Variants in DLG2 observed in about 807,000 individuals in gnomAD.
The protein encoded by DLG2 is discs large MAGUK scaffold protein 2, also known as disks large homolog 2.
DLG2 carries 45 observed loss-of-function variants against 132.5 expected under a neutral mutation model. The observed-to-expected ratio is 0.34, with a 90% CI of 0.27 to 0.44. DLG2 has a LOEUF of 0.44. Among genes scored for constraint, DLG2 ranks in the 20% least tolerant of loss-of-function variants. The probability of loss-of-function intolerance (pLI) is 1.00; values close to 1 mark genes in which losing one functional copy is unlikely to be tolerated. For missense variants in DLG2, 1,045 were observed against 1,196.9 expected (o/e 0.87, Z 1.87); for synonymous variants, 424 against 419.6 (o/e 1.01, Z -0.13).
At chr11:85,068,763 G>A (rs898314759) in intron 6 of DLG2, among the ~76,000 whole-genome samples, 1 of 152,034 alleles carries the variant, frequency 6.6e-6, no homozygotes, top group Non-Finnish European at 1.5e-5. Flanking sequence ...TCCCCATCAA[G>A]CTACCAATGA....
chr11:85,211,318 A>G (rs572590378), intron 4 of DLG2, among the ~76,000 whole-genome samples: 9 of 152,206 alleles, frequency 5.9e-5, no homozygotes, highest in Non-Finnish European at 1.0e-4. Context: ...ATAACTCACT[A>G]TCTCAAGGAT....
rs566286665 is a variant in DLG2 at position 84,589,237 on chromosome 11, T to C, written c.358-54506A>G. Among the ~76,000 whole-genome samples the C allele has an allele frequency of 1.1e-4, 17 of 152,264 alleles. No individual in the cohort carries two copies. The East Asian group carries it at 2.9e-3, about 26-fold the overall frequency. On this transcript the variant is annotated intron_variant, in intron 6 of 27. Transcript: ENST00000376104. Reference sequence around the variant, plus strand: ...ATAAATGTCTGTGAGTCTGGAGAGATAGCAAATCTGGAGAAATATTTGAGA... The same window carrying C: ...ATAAATGTCTGTGAGTCTGGAGAGACAGCAAATCTGGAGAAATATTTGAGA...
intron 6 of DLG2, among the ~76,000 whole-genome samples, chr11:84,741,783 G>A (rs887621568): frequency 6.6e-5 from 10 of 152,096 alleles, no homozygotes; most frequent in Admixed American, 6.5e-4. Context: ...ATCTCTAAAG[G>A]AACACAATAA....
intron 15 of DLG2, among the ~76,000 whole-genome samples, chr11:83,924,388 G>A (rs1241784698): frequency 6.6e-6 from 1 of 152,076 alleles, no homozygotes; most frequent in African/African-American, 2.4e-5. Flanking sequence ...TCATTTAAGG[G>A]ATCCTATAAC....
intron 18 of DLG2, among the ~76,000 whole-genome samples, chr11:83,782,943 A>C (rs963917571): frequency 1.3e-5 from 2 of 152,194 alleles, no homozygotes; most frequent in Non-Finnish European, 2.9e-5. Context: ...CAACTTCACT[A>C]ACTGGGTATA....
intron 20 of DLG2, among the ~76,000 whole-genome samples, chr11:83,536,831 C>A (rs540907000): frequency 1.3e-5 from 2 of 152,242 alleles, no homozygotes; most frequent in South Asian, 4.1e-4. Flanking sequence ...AATTGCTGAA[C>A]AACCAGTTTT....
chr11:83,520,393 C>A (rs1023487558), intron 21 of DLG2, among the ~76,000 whole-genome samples: 1 of 152,140 alleles, frequency 6.6e-6, no homozygotes, highest in East Asian at 1.9e-4. Flanking sequence ...ACCAATAGCC[C>A]TGGAGTCATG....
At chr11:83,869,264 A>G (rs921174991) in intron 16 of DLG2, among the ~76,000 whole-genome samples, 1 of 152,198 alleles carries the variant, frequency 6.6e-6, no homozygotes, top group Non-Finnish European at 1.5e-5. Context: ...CGAGTCTTTT[A>G]GGTCAGCATC....
At chr11:83,617,719 G>A (rs192882391) in intron 19 of DLG2, among the ~76,000 whole-genome samples, 1 of 152,106 alleles carries the variant, frequency 6.6e-6, no homozygotes, top group Non-Finnish European at 1.5e-5. Flanking sequence ...TCATTACTAA[G>A]TATGGTGTTT....
intron 12 of DLG2, among the ~76,000 whole-genome samples, chr11:83,974,689 T>C (rs1157097124): frequency 6.6e-6 from 1 of 152,060 alleles, no homozygotes; most frequent in Non-Finnish European, 1.5e-5. Flanking sequence ...TAAAGCATAC[T>C]TTTGGAAATA....
chr11:85,042,803 T>C (rs2154150555), intron 6 of DLG2, among the ~76,000 whole-genome samples: 1 of 152,024 alleles, frequency 6.6e-6, no homozygotes, highest in South Asian at 2.1e-4. Flanking sequence ...AAAGATAAGC[T>C]CAAAGTCAAT....
intron 6 of DLG2, among the ~76,000 whole-genome samples, chr11:84,572,047 A>AT (rs200865895): frequency 2.8e-3 from 410 of 146,852 alleles, no homozygotes; most frequent in South Asian, 0.011. Context: ...TGGATTCTAG[A>AT]TTTTTTTTTT....
intron 7 of DLG2, among the ~76,000 whole-genome samples, chr11:84,384,119 A>C (rs1219350725): frequency 6.6e-6 from 1 of 150,962 alleles, no homozygotes; most frequent in African/African-American, 2.4e-5. Context: ...GCAATGAGAA[A>C]ATAATTTTTA....
At chr11:84,065,666 A>C (rs1446400753) in intron 10 of DLG2, among the ~76,000 whole-genome samples, 1 of 152,076 alleles carries the variant, frequency 6.6e-6, no homozygotes, top group Non-Finnish European at 1.5e-5. Flanking sequence ...GGGATTTCTC[A>C]AGAACTTAAA....
intron 7 of DLG2, among the ~76,000 whole-genome samples, chr11:84,311,975 C>A (rs2098292204): frequency 6.6e-6 from 1 of 152,128 alleles, no homozygotes; most frequent in Non-Finnish European, 1.5e-5. Context: ...CTCTATGAAG[C>A]CCTCACTGAT....
chr11:84,922,518 A>G (rs1195706390), intron 6 of DLG2, among the ~76,000 whole-genome samples: 1 of 152,190 alleles, frequency 6.6e-6, no homozygotes, highest in Non-Finnish European at 1.5e-5. Flanking sequence ...GCGCCCACGC[A>G]GCTGAAGCAA....
At chr11:84,120,186 C>A (rs1346120055) in intron 9 of DLG2, among the ~76,000 whole-genome samples, 1 of 152,086 alleles carries the variant, frequency 6.6e-6, no homozygotes, top group Admixed American at 6.6e-5. Flanking sequence ...GACATTCCAT[C>A]CCCCATTTAT....
rs1464513962 is a variant in DLG2, at chr11:84,023,365, T to C, written c.919+35950A>G. 2.0e-5 allele frequency among the ~76,000 whole-genome samples: 3 copies of C among 152,160 alleles called. 1 individual carries two copies. Among genetic ancestry groups the C allele is most frequent in the Middle Eastern group, 6.3e-3 (2 of 316 alleles). ...AACATTGAGCAATAACTGGGTTAATTAATCTTCATAACAAACCTATAGATA... is the reference window on the plus strand; with the variant it reads ...AACATTGAGCAATAACTGGGTTAATCAATCTTCATAACAAACCTATAGATA... On this transcript the variant is annotated intron_variant, in intron 11 of 27. Transcript: ENST00000376104.
chr11:84,527,327 G>A (rs2099324351), intron 7 of DLG2, among the ~76,000 whole-genome samples: 1 of 152,072 alleles, frequency 6.6e-6, no homozygotes, highest in African/African-American at 2.4e-5. Flanking sequence ...ATTGTGCTCT[G>A]GCAACTCTAG....
Sources: gnomAD v4.1 joint callset for allele counts (sites outside exome capture counted in the v4.1 genomes callset) on GRCh38, gnomAD v4.1.1 for gene constraint, MANE v1.5 for transcripts, NCBI Gene and HGNC (gene_info 2026-07-23, HGNC 2026-07-21) for gene names.